Variants in CPED1 observed in about 807,000 individuals in gnomAD.
CPED1 encodes the protein cadherin like and PC-esterase domain containing 1.
CPED1 carries 114 observed loss-of-function variants against 128.2 expected under a neutral mutation model. That is an observed-to-expected ratio of 0.89 (90% CI 0.76 to 1.04). The LOEUF (loss-of-function observed/expected upper bound fraction) is 1.04, where lower values mean the gene tolerates loss of function less well. Ranked by LOEUF, CPED1 falls within the 50% of genes least tolerant of loss-of-function variation. CPED1 has a pLI of 0.00. For missense variants in CPED1, 1,211 were observed against 1,207.1 expected (o/e 1.00, Z -0.05); for synonymous variants, 462 against 426.7 (o/e 1.08, Z -1.02).
At chr7:121,200,674 C>T (rs1797376042) in intron 16 of CPED1, among the ~76,000 whole-genome samples, 1 of 151,062 alleles carries the variant, frequency 6.6e-6, no homozygotes, top group Admixed American at 6.6e-5. Context: ...AAGAGTCTTA[C>T]TTACATTTTT....
intron 22 of CPED1, among the ~76,000 whole-genome samples, chr7:121,293,536 A>C (rs2116794728): frequency 6.6e-6 from 1 of 152,166 alleles, no homozygotes; most frequent in Middle Eastern, 3.4e-3. Context: ...CTGGTGTTCC[A>C]GGCACTACTG....
chr7:120,997,928 AAAATAAAAT>A (rs1373543401), intron 2 of CPED1, among the ~76,000 whole-genome samples: 2 of 3,558 alleles, frequency 5.6e-4, no homozygotes, highest in African/African-American at 1.2e-3. Flanking sequence ...GTCTCGAAAA[AAAATAAAAT>A]AAAATAAAAT....
chr7:121,117,768 A>G (rs1584523918), intron 7 of CPED1, among the ~76,000 whole-genome samples: 1 of 152,056 alleles, frequency 6.6e-6, no homozygotes, highest in African/African-American at 2.4e-5. Flanking sequence ...CATACATTCA[A>G]ACTTTCTAAA....
intron 22 of CPED1, among the ~76,000 whole-genome samples, chr7:121,272,705 T>C (rs186358650): frequency 6.4e-4 from 97 of 152,254 alleles, no homozygotes; most frequent in African/African-American, 2.1e-3. Context: ...AAGCTTTCTC[T>C]CTCACTCTCT....
chr7:121,071,996 T>A (rs2116091284), intron 5 of CPED1, among the ~76,000 whole-genome samples: 1 of 152,266 alleles, frequency 6.6e-6, no homozygotes, highest in Admixed American at 6.5e-5. Context: ...GAAACTCAGA[T>A]GACATTTTTG....
At chr7:121,293,795 C>A (rs1792763482) in intron 22 of CPED1, among the ~76,000 whole-genome samples, 1 of 152,046 alleles carries the variant, frequency 6.6e-6, no homozygotes, top group African/African-American at 2.4e-5. Context: ...CTTGGTGAGG[C>A]AACGCCTCAC....
At position 121,067,332 on chromosome 7, in the gene CPED1, T is replaced by C. The variant is rs543833936; in HGVS notation, c.616+3019T>C. On this transcript the variant is annotated intron_variant, in intron 5 of 22. Coordinates refer to ENST00000310396, the MANE Select transcript of CPED1 (RefSeq NM_024913.5). ...TCCTGTGTCCATGTGTTCTCATTGT[T>C]CAATTCCCACCTATGAGTGAGAACA... is the stretch of plus-strand genomic sequence containing the variant. 8.9e-4 allele frequency among the ~76,000 whole-genome samples: 135 copies of C among 152,108 alleles called. 2 individuals carry two copies. Among genetic ancestry groups the C allele is most frequent in the African/African-American group, 3.0e-3 (125 of 41,402 alleles).
At chr7:121,068,985 G>A (rs1793924679) in intron 5 of CPED1, among the ~76,000 whole-genome samples, 1 of 152,088 alleles carries the variant, frequency 6.6e-6, no homozygotes, top group Admixed American at 6.6e-5. Context: ...CTTTAATAAT[G>A]TGCAGTGAGT....
Position 120,989,621 on chromosome 7 carries a change from C to T in CPED1, c.-1C>T, listed in dbSNP as rs1401080911. 2 of 1,613,844 alleles carry T rather than the reference C, an allele frequency of 1.2e-6. No individual in the cohort carries two copies. The highest frequency in any genetic ancestry group is 2.7e-5 in the African/African-American group (2 of 74,894). On this transcript the variant is annotated 5_prime_UTR_variant, in exon 2 of 23. Transcript: ENST00000310396. ...AGGGGCCAAGTGAAGCTGAACTGGT[C>T]ATGGTCTGTCGCCCAGTGTTCCCTT...
intron 18 of CPED1, among the ~76,000 whole-genome samples, chr7:121,259,536 G>A (rs970139984): frequency 6.6e-6 from 1 of 151,988 alleles, no homozygotes; most frequent in East Asian, 1.9e-4. Flanking sequence ...AGCAAGCTAT[G>A]TATTAAATGA....
intron 5 of CPED1, among the ~76,000 whole-genome samples, chr7:121,073,858 T>C (rs1794054508): frequency 6.6e-6 from 1 of 151,470 alleles, no homozygotes. Context: ...ACAATTTCCT[T>C]GACTGGCTCT....
At chr7:121,206,273 C>T (rs1797513817) in intron 16 of CPED1, among the ~76,000 whole-genome samples, 1 of 151,918 alleles carries the variant, frequency 6.6e-6, no homozygotes, top group South Asian at 2.1e-4. Context: ...CTCTATTTCT[C>T]CAAAAGGCAA....
rs116345435 is a variant in CPED1 at position 121,288,479 on chromosome 7, C to G, written c.2869-6961C>G. ...TTCTCAGACATCAATTTAGTGATCT[C>G]TAAAAATAGAAATAGGTTATCAACC... On this transcript the variant is annotated intron_variant, in intron 22 of 22. Transcript: ENST00000310396. 8.4e-3 allele frequency among the ~76,000 whole-genome samples: 1,278 copies of G among 152,230 alleles called. 20 individuals carry two copies. The highest frequency in any genetic ancestry group is 0.028 in the African/African-American group (1,172 of 41,534).
intron 21 of CPED1, among the ~76,000 whole-genome samples, chr7:121,268,523 C>A (rs1270440644): frequency 6.6e-6 from 1 of 152,046 alleles, no homozygotes; most frequent in Non-Finnish European, 1.5e-5. Context: ...GGGATAATTG[C>A]AAGTGAAAGC....
intron 4 of CPED1, among the ~76,000 whole-genome samples, chr7:121,056,600 T>C (rs1793505095): frequency 6.6e-6 from 1 of 152,220 alleles, no homozygotes; most frequent in Non-Finnish European, 1.5e-5. Context: ...ATAGTGACAA[T>C]GAAAGTGTCA....
intron 4 of CPED1, chr7:121,052,009 A>T (rs1461453494): frequency 6.6e-6 from 1 of 152,468 alleles, no homozygotes; most frequent in Non-Finnish European, 1.5e-5. Flanking sequence ...AAAGAAAAAA[A>T]AAAAGCTTTC....
At chr7:121,176,499 A>G (rs1796781970) in intron 16 of CPED1, among the ~76,000 whole-genome samples, 2 of 152,054 alleles carry the variant, frequency 1.3e-5, no homozygotes, top group African/African-American at 4.8e-5. Context: ...ACATTACTAA[A>G]TACATATAAG....
At chr7:121,150,148 C>T (rs779159969) in intron 16 of CPED1, among the ~76,000 whole-genome samples, 5 of 151,502 alleles carry the variant, frequency 3.3e-5, no homozygotes, top group Non-Finnish European at 7.4e-5. Context: ...CAATTGAACC[C>T]ACCACCCAGG....
intron 4 of CPED1, among the ~76,000 whole-genome samples, chr7:121,053,970 A>T (rs778914970): frequency 5.3e-5 from 8 of 152,024 alleles, no homozygotes; most frequent in Non-Finnish European, 1.2e-4. Flanking sequence ...TTCCTTGGAC[A>T]TTTCCTTACT....
Sources: gnomAD v4.1 joint callset for allele counts (sites outside exome capture counted in the v4.1 genomes callset) on GRCh38, gnomAD v4.1.1 for gene constraint, MANE v1.5 for transcripts, NCBI Gene and HGNC (gene_info 2026-07-23, HGNC 2026-07-21) for gene names.